ZC3H12B: variants seen among roughly 807,000 people sequenced by gnomAD.
ZC3H12B encodes the protein zinc finger CCCH-type containing 12B.
In ZC3H12B, 7 loss-of-function variants were observed where a neutral mutation model predicts 43.9. That is an observed-to-expected ratio of 0.16 (90% CI 0.09 to 0.30). ZC3H12B has a LOEUF of 0.30. Ranked by LOEUF, ZC3H12B falls within the 10% of genes least tolerant of loss-of-function variation. The probability of loss-of-function intolerance (pLI) is 1.00; values close to 1 mark genes in which losing one functional copy is unlikely to be tolerated. For missense variants in ZC3H12B, 475 were observed against 670.2 expected (o/e 0.71, Z 3.22); for synonymous variants, 222 against 241.7 (o/e 0.92, Z 0.76).
At chrX:65,169,461 G>A in the ZC3H12B span, among the ~76,000 whole-genome samples, 7 of 111,764 alleles carry the variant, frequency 6.3e-5, no homozygotes, top group East Asian at 2.0e-3. Context: ...CAACTATATG[G>A]TCAATTTTGG....
chrX:65,257,817 C>A, the ZC3H12B span, among the ~76,000 whole-genome samples: 1 of 110,269 alleles, frequency 9.1e-6, no homozygotes, highest in African/African-American at 3.3e-5. Flanking sequence ...ATACAACCAC[C>A]GAAGATTGAA....
the ZC3H12B span, among the ~76,000 whole-genome samples, chrX:65,337,148 C>T: frequency 1.8e-5 from 2 of 111,366 alleles, no homozygotes; most frequent in Admixed American, 9.5e-5. Context: ...ACCTCTAACC[C>T]AATCCCATTC....
chrX:65,049,140 G>A, the ZC3H12B span, among the ~76,000 whole-genome samples: 1 of 111,027 alleles, frequency 9.0e-6, no homozygotes, highest in South Asian at 3.7e-4. Context: ...CTCTGTTGAT[G>A]TGTTCCTTTG....
intron 1 of ZC3H12B, among the ~76,000 whole-genome samples, chrX:65,495,915 G>A (rs1267789335): frequency 9.0e-6 from 1 of 110,587 alleles, no homozygotes; most frequent in Non-Finnish European, 1.9e-5. Context: ...CTATGTTGCC[G>A]AGGCTGGTCG....
intron 3 of ZC3H12B, among the ~76,000 whole-genome samples, chrX:65,400,410 G>A (rs1272332049): frequency 1.8e-5 from 2 of 110,924 alleles, no homozygotes; most frequent in East Asian, 5.6e-4. Context: ...AAAGACTCTG[G>A]AATCTCTTAA....
chrX:65,234,974 A>C, the ZC3H12B span, among the ~76,000 whole-genome samples: 22 of 112,017 alleles, frequency 2.0e-4, no homozygotes, highest in Non-Finnish European at 1.7e-4. Flanking sequence ...TAGTTTGCTG[A>C]GGATAATGGC....
the ZC3H12B span, among the ~76,000 whole-genome samples, chrX:65,310,648 T>G: frequency 1.8e-5 from 2 of 111,604 alleles, no homozygotes; most frequent in African/African-American, 6.5e-5. Context: ...AAAAACTACT[T>G]TAAAGTTCAT....
At chrX:65,270,306 G>C in the ZC3H12B span, among the ~76,000 whole-genome samples, 1 of 111,674 alleles carries the variant, frequency 9.0e-6, no homozygotes, top group South Asian at 3.7e-4. Flanking sequence ...TCAATAAATG[G>C]TGTTGGGAAA....
the ZC3H12B span, among the ~76,000 whole-genome samples, chrX:65,244,505 G>A: frequency 9.2e-6 from 1 of 108,688 alleles, no homozygotes; most frequent in African/African-American, 3.4e-5. Context: ...AGTACCTTGG[G>A]AGGCTGAGGC....
chrX:65,244,745 A>G, the ZC3H12B span, among the ~76,000 whole-genome samples: 2 of 108,155 alleles, frequency 1.8e-5, no homozygotes, highest in East Asian at 2.9e-4. Flanking sequence ...AAAAAAAAAA[A>G]AAAAAAGAAA....
intron 2 of ZC3H12B, among the ~76,000 whole-genome samples, chrX:65,383,530 G>T (rs748055153): frequency 1.3e-4 from 15 of 111,618 alleles, no homozygotes; most frequent in Admixed American, 1.3e-3. Flanking sequence ...TACCATTCAG[G>T]ACATAGGCTT....
At chrX:65,087,886 A>G in the ZC3H12B span, among the ~76,000 whole-genome samples, 1 of 112,445 alleles carries the variant, frequency 8.9e-6, no homozygotes, top group Admixed American at 9.4e-5. Flanking sequence ...GAGTCATGAA[A>G]TCAATTTCAT....
chrX:65,387,096 GT>G (rs1234724737), intron 2 of ZC3H12B, among the ~76,000 whole-genome samples: 1 of 111,850 alleles, frequency 8.9e-6, no homozygotes, highest in Non-Finnish European at 1.9e-5. Context: ...TAAGTGCAGT[GT>G]GGTGCTGAGA....
the ZC3H12B span, among the ~76,000 whole-genome samples, chrX:65,115,938 C>A: frequency 9.0e-6 from 1 of 110,680 alleles, no homozygotes; most frequent in African/African-American, 3.3e-5. Context: ...CTTTTAGATT[C>A]TTGATATTAG....
At chrX:65,063,790 G>A in the ZC3H12B span, among the ~76,000 whole-genome samples, 1 of 111,353 alleles carries the variant, frequency 9.0e-6, no homozygotes, top group Non-Finnish European at 1.9e-5. Context: ...CTGGAGCTTG[G>A]CTTTTTTTGG....
At chrX:65,108,736 G>T in the ZC3H12B span, among the ~76,000 whole-genome samples, 1 of 111,072 alleles carries the variant, frequency 9.0e-6, no homozygotes, top group Non-Finnish European at 1.9e-5. Flanking sequence ...TATTATCATT[G>T]TCAAATATTA....
At chrX:65,068,754 A>G in the ZC3H12B span, among the ~76,000 whole-genome samples, 2 of 111,824 alleles carry the variant, frequency 1.8e-5, no homozygotes, top group African/African-American at 6.5e-5. Context: ...GCTAATTAGC[A>G]TCTTTTTCTT....
chrX:65,119,153 G>A, the ZC3H12B span, among the ~76,000 whole-genome samples: 1 of 111,387 alleles, frequency 9.0e-6, no homozygotes, highest in Non-Finnish European at 1.9e-5. Context: ...ATAATCCTTT[G>A]GGTGTATACC....
chrX:65,079,212 C>T, the ZC3H12B span, among the ~76,000 whole-genome samples: 1 of 112,957 alleles, frequency 8.9e-6, no homozygotes, highest in Non-Finnish European at 1.9e-5. Context: ...TACAAGAGAA[C>T]ACTAGACAGA....
Sources: gnomAD v4.1 joint callset for allele counts (sites outside exome capture counted in the v4.1 genomes callset) on GRCh38, gnomAD v4.1.1 for gene constraint, MANE v1.5 for transcripts, NCBI Gene and HGNC (gene_info 2026-07-23, HGNC 2026-07-21) for gene names.